The following NOX4 variants were observed in gnomAD, a reference collection of about 807,000 sequenced individuals.
The protein encoded by NOX4 is kidney oxidase-1.
A neutral mutation model predicts 87.6 loss-of-function variants in NOX4; 69 were observed. The ratio of observed to expected loss-of-function variants is 0.79; its 90% CI spans 0.65 to 0.96. The LOEUF is 0.96. Ranked by LOEUF, NOX4 falls within the 40% of genes least tolerant of loss-of-function variation. The pLI is 0.00. For missense variants in NOX4, 680 were observed against 681.5 expected (o/e 1.00, Z 0.02); for synonymous variants, 275 against 238.2 (o/e 1.15, Z -1.42).
intron 2 of NOX4, among the ~76,000 whole-genome samples, chr11:89,462,677 C>T (rs7952034): frequency 1.3e-5 from 2 of 151,960 alleles, no homozygotes; most frequent in African/African-American, 4.8e-5. Flanking sequence ...TTGTTTCAAA[C>T]CACCCCAAAA....
Position 89,402,499 on chromosome 11 carries a change from C to T in NOX4, c.673G>A (p.Gly225Ser), listed in dbSNP as rs1189048716. 9 of 1,611,092 alleles carry T rather than the reference C, an allele frequency of 5.6e-6. No homozygotes were observed. Among genetic ancestry groups the T allele is most frequent in the Admixed American group, 1.7e-5 (1 of 59,428 alleles). Residue 225 changes from glycine to serine, a missense_variant, in exon 9 of 18, where the codon GGC becomes AGC. By Grantham distance (56) the Gly-to-Ser change is moderately conservative. Coordinates refer to ENST00000263317, the MANE Select transcript of NOX4 (RefSeq NM_016931.5). ...CTGGTTCGGTTAAGACTGATGCAGC[C>T]GGGAGGGTGGGTATCTAAATTAGTT... is the stretch of plus-strand genomic sequence containing the variant. ...YQTNLDTHPP[G>S]CISLNRTSSQ...
chr11:89,442,670 A>G (rs1591266982), intron 5 of NOX4, among the ~76,000 whole-genome samples: 2 of 152,156 alleles, frequency 1.3e-5, no homozygotes, highest in Non-Finnish European at 2.9e-5. Context: ...GTTTTGGAGG[A>G]GAAGCTTTCA....
At chr11:89,443,033 T>C (rs1243542300) in intron 5 of NOX4, among the ~76,000 whole-genome samples, 2 of 152,152 alleles carry the variant, frequency 1.3e-5, no homozygotes, top group African/African-American at 2.4e-5. Context: ...GTCACTGGCC[T>C]GCTAAGGAGC....
chr11:89,441,092 G>T (rs1481281846), intron 5 of NOX4, among the ~76,000 whole-genome samples: 1 of 152,082 alleles, frequency 6.6e-6, no homozygotes, highest in Non-Finnish European at 1.5e-5. Context: ...TACCAAAACC[G>T]TGAAACTGCA....
chr11:89,589,051 C>A, the NOX4 span, among the ~76,000 whole-genome samples: 1 of 152,062 alleles, frequency 6.6e-6, no homozygotes, highest in African/African-American at 2.4e-5. Context: ...TAAGTTTGTA[C>A]CTGAAGCCTG....
chr11:89,552,700 C>T, the NOX4 span, among the ~76,000 whole-genome samples: 1 of 152,218 alleles, frequency 6.6e-6, no homozygotes, highest in Non-Finnish European at 1.5e-5. Context: ...GTCTTTGGAT[C>T]AAAGTCTGCA....
At chr11:89,409,817 T>C (rs1167173455) in intron 8 of NOX4, among the ~76,000 whole-genome samples, 2 of 152,112 alleles carry the variant, frequency 1.3e-5, no homozygotes, top group Non-Finnish European at 2.9e-5. Flanking sequence ...GTAAATATTA[T>C]GGAGGAGAAG....
chr11:89,428,191 G>T (rs1018702351), intron 7 of NOX4, among the ~76,000 whole-genome samples: 1 of 152,132 alleles, frequency 6.6e-6, no homozygotes, highest in African/African-American at 2.4e-5. Flanking sequence ...GCACCACCAG[G>T]CCTCCCCTAA....
chr11:89,460,380 C>T (rs578021545), intron 2 of NOX4, among the ~76,000 whole-genome samples: 32 of 152,186 alleles, frequency 2.1e-4, no homozygotes, highest in Admixed American at 5.9e-4. Context: ...AGGCAACCTA[C>T]GGAATGGGAG....
At chr11:89,528,567 A>G in the NOX4 span, among the ~76,000 whole-genome samples, 2 of 152,158 alleles carry the variant, frequency 1.3e-5, no homozygotes, top group Non-Finnish European at 2.9e-5. Flanking sequence ...CATAATAGTA[A>G]GTGAGTTCTT....
chr11:89,443,835 C>A, intron 5 of NOX4: 1 of 260,956 alleles, frequency 3.8e-6, no homozygotes, highest in Non-Finnish European at 7.3e-6. Context: ...ACACTCTCAG[C>A]TGAATGATAG....
At chr11:89,337,863 C>T (rs1398765461) in intron 15 of NOX4, among the ~76,000 whole-genome samples, 1 of 151,786 alleles carries the variant, frequency 6.6e-6, no homozygotes, top group East Asian at 1.9e-4. Context: ...AAAATTGTAC[C>T]AGTTTACTCA....
the NOX4 span, among the ~76,000 whole-genome samples, chr11:89,528,258 T>A: frequency 3.9e-5 from 6 of 152,160 alleles, no homozygotes; most frequent in African/African-American, 1.4e-4. Flanking sequence ...TGCTTTTTAT[T>A]TTACAGGCTC....
At chr11:89,353,259 A>C (rs1426402616) in intron 13 of NOX4, among the ~76,000 whole-genome samples, 1 of 152,206 alleles carries the variant, frequency 6.6e-6, no homozygotes, top group East Asian at 1.9e-4. Flanking sequence ...ACAGCATCAC[A>C]TGCTACAGAG....
chr11:89,426,708 T>C (rs1346666710), intron 7 of NOX4, among the ~76,000 whole-genome samples: 1 of 151,924 alleles, frequency 6.6e-6, no homozygotes, highest in African/African-American at 2.4e-5. Context: ...CTTGAGTAGG[T>C]AAACAAAGTG....
Position 89,490,872 on chromosome 11 carries a change from T to C in NOX4, c.57+318A>G, listed in dbSNP as rs756818225. On this transcript the variant is annotated intron_variant, in intron 1 of 17. Transcript: ENST00000263317. ...CCATACCCCAAGCAAACAGAAGTAATCTGGGAAAAGAACAAAGGGAGCAAA... is the reference window on the plus strand; with the variant it reads ...CCATACCCCAAGCAAACAGAAGTAACCTGGGAAAAGAACAAAGGGAGCAAA... 1.7e-5 allele frequency: 12 copies of C among 700,918 alleles called. 1 individual carries two copies. Among genetic ancestry groups the C allele is most frequent in the Middle Eastern group, 2.3e-4 (1 of 4,384 alleles). The allele number at this position is 700,918 out of a possible 1,614,324, so 43.4% of individuals were successfully genotyped here. A position where few individuals can be genotyped will look rare whatever the true frequency, so the allele number is the denominator to read the frequency against.
At chr11:89,455,048 C>G (rs1291606725) in intron 2 of NOX4, among the ~76,000 whole-genome samples, 1 of 152,026 alleles carries the variant, frequency 6.6e-6, no homozygotes, top group East Asian at 1.9e-4. Context: ...AAAGCCTACT[C>G]CAATAGCTCC....
At chr11:89,471,023 T>C (rs1314616650) in intron 2 of NOX4, among the ~76,000 whole-genome samples, 6 of 152,120 alleles carry the variant, frequency 3.9e-5, no homozygotes, top group Non-Finnish European at 8.8e-5. Context: ...GAAGAAAGTG[T>C]CCGAGTGTCA....
intron 13 of NOX4, among the ~76,000 whole-genome samples, chr11:89,347,492 GTGTCATGCAT>G (rs1946267817): frequency 6.6e-6 from 1 of 152,166 alleles, no homozygotes; most frequent in Admixed American, 6.5e-5. Context: ...AGAAAGAATT[GTGTCATGCAT>G]TGGGCATTCC....
Sources: allele counts gnomAD v4.1 joint callset (sites outside exome capture counted in the v4.1 genomes callset), GRCh38; gene constraint gnomAD v4.1.1; transcripts MANE v1.5; gene names NCBI Gene and HGNC (gene_info 2026-07-23, HGNC 2026-07-21).